Variants in EPS15L1 observed in about 807,000 individuals in gnomAD.
The protein encoded by EPS15L1 is epidermal growth factor receptor substrate 15-like 1.
A neutral mutation model predicts 117.1 loss-of-function variants in EPS15L1; 43 were observed. That is an observed-to-expected ratio of 0.37 (90% CI 0.29 to 0.47). The LOEUF is 0.47. EPS15L1 is among the 20% of genes least tolerant of loss of function. EPS15L1 has a pLI of 0.99. For synonymous variants in EPS15L1, 459 were observed against 470.5 expected, an observed-to-expected ratio of 0.98 and a Z score of 0.32; for missense variants, 981 against 1,164.0, an observed-to-expected ratio of 0.84 and a Z score of 2.29.
At chr19:16,398,024 C>T (rs2092558187) in intron 16 of EPS15L1, among the ~76,000 whole-genome samples, 1 of 152,108 alleles carries the variant, frequency 6.6e-6, no homozygotes, top group East Asian at 1.9e-4. Flanking sequence ...AAAGCCGGGG[C>T]GTCCACAAAA....
intron 22 of EPS15L1, among the ~76,000 whole-genome samples, chr19:16,366,835 T>C (rs1305771849): frequency 6.6e-6 from 1 of 152,212 alleles, no homozygotes; most frequent in Non-Finnish European, 1.5e-5. Flanking sequence ...CTTCCCACTT[T>C]TGCTCAGCGA....
chr19:16,394,856 G>A (rs550148813), intron 17 of EPS15L1, among the ~76,000 whole-genome samples: 1 of 152,280 alleles, frequency 6.6e-6, no homozygotes, highest in East Asian at 1.9e-4. Context: ...GTCTTGTGGT[G>A]AGCTTGGAAC....
At chr19:16,454,130 T>A (rs1407999226) in intron 1 of EPS15L1, among the ~76,000 whole-genome samples, 2 of 152,130 alleles carry the variant, frequency 1.3e-5, no homozygotes, top group Non-Finnish European at 2.9e-5. Context: ...GGGTTCGCTG[T>A]TTTCCCCCCT....
At chr19:16,392,184 T>C in intron 19 of EPS15L1, 120 bp downstream of exon 19, 1 of 1,122,442 alleles carries the variant, frequency 8.9e-7, no homozygotes, top group Non-Finnish European at 1.3e-6. Context: ...ACAGACACCA[T>C]GGCCCACACT....
At chr19:16,433,059 C>A (rs749641020) in intron 7 of EPS15L1, among the ~76,000 whole-genome samples, 3 of 152,174 alleles carry the variant, frequency 2.0e-5, no homozygotes, top group Admixed American at 2.0e-4. Context: ...AATCTGCCCG[C>A]CCCAGCCTCC....
At chr19:16,400,369 AAAC>A (rs1267455775) in intron 16 of EPS15L1, among the ~76,000 whole-genome samples, 10 of 151,860 alleles carry the variant, frequency 6.6e-5, no homozygotes, top group Admixed American at 2.0e-4. Flanking sequence ...AAAAAAAAAA[AAAC>A]CCCTGACTTT....
chr19:16,406,398 G>C (rs1228937385), intron 13 of EPS15L1, among the ~76,000 whole-genome samples: 1 of 152,190 alleles, frequency 6.6e-6, no homozygotes, highest in Non-Finnish European at 1.5e-5. Flanking sequence ...ATAAAGTCAG[G>C]CGTGTCAGCA....
intron 16 of EPS15L1, among the ~76,000 whole-genome samples, chr19:16,397,609 C>T (rs928895075): frequency 6.6e-6 from 1 of 151,968 alleles, no homozygotes; most frequent in African/African-American, 2.4e-5. Context: ...TACCAAGAAA[C>T]ATGCTGGTTG....
At chr19:16,375,050 A>T (rs567523627) in intron 22 of EPS15L1, among the ~76,000 whole-genome samples, 3 of 152,206 alleles carry the variant, frequency 2.0e-5, no homozygotes, top group African/African-American at 7.2e-5. Flanking sequence ...GCAGGCATGC[A>T]CAATGCAGTA....
chr19:16,467,273 C>T (rs2093313219), intron 1 of EPS15L1, among the ~76,000 whole-genome samples: 1 of 151,654 alleles, frequency 6.6e-6, no homozygotes, highest in South Asian at 2.1e-4. Flanking sequence ...CTCAGGGTCC[C>T]GAGTGGCCGG....
chr19:16,398,223 A>G (rs1014091297), intron 16 of EPS15L1, among the ~76,000 whole-genome samples: 11 of 152,176 alleles, frequency 7.2e-5, no homozygotes, highest in African/African-American at 2.7e-4. Flanking sequence ...CTCGGCCCCC[A>G]CTTCAGGAGA....
intron 1 of EPS15L1, among the ~76,000 whole-genome samples, chr19:16,459,049 A>G (rs1284207340): frequency 6.6e-6 from 1 of 152,212 alleles, no homozygotes; most frequent in African/African-American, 2.4e-5. Flanking sequence ...GGTACAGAAA[A>G]CTGCAGGCAA....
chr19:16,382,797 G>A (rs2092377352), intron 21 of EPS15L1, among the ~76,000 whole-genome samples: 2 of 152,108 alleles, frequency 1.3e-5, no homozygotes, highest in South Asian at 4.1e-4. Context: ...TCAACTAAGA[G>A]TGCAGGCCCG....
At chr19:16,390,523 G>A (rs1322577876) in intron 19 of EPS15L1, among the ~76,000 whole-genome samples, 3 of 152,088 alleles carry the variant, frequency 2.0e-5, no homozygotes, top group African/African-American at 7.2e-5. Flanking sequence ...CATTTGTAGA[G>A]CATTACACCC....
intron 18 of EPS15L1, among the ~76,000 whole-genome samples, chr19:16,393,411 A>G (rs2092501993): frequency 6.6e-6 from 1 of 151,906 alleles, no homozygotes; most frequent in African/African-American, 2.4e-5. Context: ...ACTTTGGGAG[A>G]CCAAGGTGGG....
Position 16,404,836 on chromosome 19 carries a change from A to T in EPS15L1, c.1267-87T>A. On this transcript the variant is annotated intron_variant, in intron 13 of 23. Transcript: ENST00000455140. The surrounding 1 kb of genome is among the most constrained non-coding windows in gnomAD (Gnocchi z 4.2). ...GGGGGGCAGCCTGGGCCAGAAGTCCAGGGGAAGCCTCCGAAACCACCCACT... is the reference window on the plus strand; with the variant it reads ...GGGGGGCAGCCTGGGCCAGAAGTCCTGGGGAAGCCTCCGAAACCACCCACT... 2 of 1,482,102 alleles carry T rather than the reference A, an allele frequency of 1.3e-6. No individual in the cohort carries two copies. The highest frequency in any genetic ancestry group is 1.8e-6 in the Non-Finnish European group (2 of 1,081,586). The allele number at this position is 1,482,102 out of a possible 1,614,324, so 91.8% of individuals were successfully genotyped here.
At chr19:16,389,810 CA>C (rs1390559339) in intron 19 of EPS15L1, among the ~76,000 whole-genome samples, 1 of 151,992 alleles carries the variant, frequency 6.6e-6, no homozygotes, top group Admixed American at 6.6e-5. Flanking sequence ...TGAGATAATA[CA>C]ATACTAACCT....
At position 16,441,967 on chromosome 19, in the gene EPS15L1, G is replaced by A. The variant is rs1156622484; in HGVS notation, c.90C>T (p.Tyr30=). ...CTTCACTCGCCCCCACCCTCCCTGT[G>A]TATGCCGGATCGACCTGAAATGGGA... is the stretch of plus-strand genomic sequence containing the variant. The part of the protein sequence containing the change: ...ESYYKQVDPA[Y]TGRVGASEAA... The change falls in exon 3 of 24, where the codon TAC becomes TAT. Residue 30 remains tyrosine, a synonymous_variant. Coordinates refer to ENST00000455140, the MANE Select transcript of EPS15L1 (RefSeq NM_001258374.3). The A allele has an allele frequency of 2.5e-6, 4 of 1,613,626 alleles. No homozygotes were observed. The highest frequency in any genetic ancestry group is 2.2e-5 in the South Asian group (2 of 91,014).
In EPS15L1 at chr19:16,471,256, T is replaced by C. The variant is rs2093344060; in HGVS notation, c.33+657A>G. On this transcript the variant is annotated intron_variant, in intron 1 of 23. Coordinates refer to ENST00000455140, the MANE Select transcript of EPS15L1 (RefSeq NM_001258374.3). This position sits in a 1 kb window ranked among gnomAD's most constrained non-coding sequence, Gnocchi z 4.8. Reference sequence around the variant, plus strand: ...ACCCAACGCACATTTGAGGGATGGATAGAAAATGAATGAATGAAAGTCTCT... The same window carrying C: ...ACCCAACGCACATTTGAGGGATGGACAGAAAATGAATGAATGAAAGTCTCT... Among the ~76,000 whole-genome samples the C allele has an allele frequency of 6.6e-6, 1 of 152,084 alleles. No homozygotes were observed. The highest frequency in any genetic ancestry group is 1.5e-5 in the Non-Finnish European group (1 of 68,008).
Sources: gnomAD v4.1 joint callset for allele counts (sites outside exome capture counted in the v4.1 genomes callset) on GRCh38, gnomAD v4.1.1 for gene constraint, Gnocchi (gnomAD v3.1) non-coding constraint, MANE v1.5 for transcripts, NCBI Gene and HGNC (gene_info 2026-07-23, HGNC 2026-07-21) for gene names.